Variants in EPHA7 observed in about 807,000 individuals in gnomAD.
The protein encoded by EPHA7 is ephrin type-A receptor 7.
Under a neutral mutation model 112.6 loss-of-function variants are expected in EPHA7, and 25 were observed. That is an observed-to-expected ratio of 0.22 (90% CI 0.16 to 0.31). The LOEUF is 0.31. EPHA7 is among the 10% of genes least tolerant of loss of function. The pLI is 1.00. For missense variants in EPHA7, 962 were observed against 1,212.6 expected, an observed-to-expected ratio of 0.79 and a Z score of 3.07; for synonymous variants, 437 against 406.5, an observed-to-expected ratio of 1.07 and a Z score of -0.90.
At chr6:93,305,223 A>T (rs1773192272) in intron 5 of EPHA7, among the ~76,000 whole-genome samples, 1 of 151,868 alleles carries the variant, frequency 6.6e-6, no homozygotes, top group South Asian at 2.1e-4. Context: ...GTTAGACCTT[A>T]TAGGATGGGG....
At chr6:93,283,082 G>T (rs1012066680) in intron 5 of EPHA7, among the ~76,000 whole-genome samples, 1 of 152,182 alleles carries the variant, frequency 6.6e-6, no homozygotes, top group South Asian at 2.1e-4. Flanking sequence ...AGTCTAGTGG[G>T]GACTTGGAGA....
rs185656908 is a variant in EPHA7 at position 93,280,419 on chromosome 6, G to A, written c.1325-7997C>T. ...TTGGGCACACATTTTTCTGTCTAGT[G>A]GCCTCCACCAATAACCAACAACTCC... is the stretch of plus-strand genomic sequence containing the variant. On this transcript the variant is annotated intron_variant, in intron 5 of 16. Transcript: ENST00000369303. Among the ~76,000 whole-genome samples the A allele has an allele frequency of 9.1e-4, 138 of 152,214 alleles. 2 individuals are homozygous for A. Among genetic ancestry groups the A allele is most frequent in the African/African-American group, 3.0e-3 (124 of 41,548 alleles).
chr6:93,303,073 C>T (rs989715173), intron 5 of EPHA7, among the ~76,000 whole-genome samples: 1 of 152,084 alleles, frequency 6.6e-6, no homozygotes, highest in Non-Finnish European at 1.5e-5. Context: ...TGTAGGCATA[C>T]AACAGTTGCC....
chr6:93,374,355 A>C (rs1776948273), intron 3 of EPHA7, among the ~76,000 whole-genome samples: 1 of 152,096 alleles, frequency 6.6e-6, no homozygotes, highest in Admixed American at 6.6e-5. Context: ...CTATGTTTCT[A>C]TCTCTCTATC....
intron 3 of EPHA7, among the ~76,000 whole-genome samples, chr6:93,372,547 T>C (rs1001288776): frequency 6.6e-6 from 1 of 152,132 alleles, no homozygotes; most frequent in Non-Finnish European, 1.5e-5. Flanking sequence ...TCTTATCATA[T>C]ATTAGTGTTG....
intron 5 of EPHA7, among the ~76,000 whole-genome samples, chr6:93,278,041 G>A (rs1165932434): frequency 6.6e-6 from 1 of 151,982 alleles, no homozygotes; most frequent in African/African-American, 2.4e-5. Context: ...TTAAGGCAGC[G>A]ATTGTAAAAA....
At chr6:93,416,647 C>T (rs907307072) in intron 1 of EPHA7, among the ~76,000 whole-genome samples, 1 of 152,234 alleles carries the variant, frequency 6.6e-6, no homozygotes, top group African/African-American at 2.4e-5. Flanking sequence ...CTCAAAAGAG[C>T]GCGTATCCCT....
intron 3 of EPHA7, among the ~76,000 whole-genome samples, chr6:93,383,740 C>T (rs1179572079): frequency 2.0e-5 from 3 of 152,138 alleles, no homozygotes; most frequent in Non-Finnish European, 4.4e-5. Context: ...CTTGTTGTCA[C>T]CCAGTTTACT....
At chr6:93,322,316 A>T (rs1483015487) in intron 5 of EPHA7, among the ~76,000 whole-genome samples, 1 of 151,758 alleles carries the variant, frequency 6.6e-6, no homozygotes, top group East Asian at 1.9e-4. Context: ...ATTAATTACT[A>T]TTCTTTTTAA....
chr6:93,291,810 C>T (rs1772396387), intron 5 of EPHA7, among the ~76,000 whole-genome samples: 1 of 147,632 alleles, frequency 6.8e-6, no homozygotes, highest in South Asian at 2.2e-4. Context: ...ACCAGATTAC[C>T]AGGTTATGTG....
intron 3 of EPHA7, among the ~76,000 whole-genome samples, chr6:93,382,432 C>T (rs1316771099): frequency 1.3e-5 from 2 of 152,166 alleles, no homozygotes; most frequent in African/African-American, 4.8e-5. Flanking sequence ...TGGTAATGAA[C>T]CTGCCTGCCC....
chr6:93,387,962 G>GATAGATAA lies in EPHA7; in HGVS notation c.832+22538_832+22539insTTATCTAT, dbSNP rs57546794. On this transcript the variant is annotated intron_variant, in intron 3 of 16. Coordinates refer to ENST00000369303, the MANE Select transcript of EPHA7 (RefSeq NM_004440.4). ...AGATAGATAGATAGATAGATAGATA[G>GATAGATAA]ATAGATAGATAGATAGAATAGATAG... Among the ~76,000 whole-genome samples the GATAGATAA allele has an allele frequency of 4.4e-3, 671 of 151,788 alleles. 6 individuals are homozygous for GATAGATAA. The highest frequency in any genetic ancestry group is 0.015 in the African/African-American group (639 of 41,314).
rs1286443290 is a variant in EPHA7 at position 93,243,016 on chromosome 6, G to A, written c.*410C>T. 4.5e-6 allele frequency: 1 copy of A among 220,364 alleles called. No homozygotes were observed. Among genetic ancestry groups the A allele is most frequent in the African/African-American group, 2.2e-5 (1 of 44,574 alleles). The allele number at this position is 220,364 out of a possible 1,614,324, so 13.7% of individuals were successfully genotyped here. ...GAATAAACACAAATGATTTTAAAAA[G>A]GAATAGTCTGAAATCACATATTTAA... On this transcript the variant is annotated 3_prime_UTR_variant, in exon 17 of 17. Transcript: ENST00000369303.
In EPHA7 at chr6:93,243,573, C is replaced by A. The variant is rs753452979; in HGVS notation, c.2883-33G>T. 2.1e-6 allele frequency: 3 copies of A among 1,435,752 alleles called. No individual in the cohort carries two copies. In the Admixed American group the frequency reaches 5.0e-5, roughly 24 times the overall value. The allele number at this position is 1,435,752 out of a possible 1,614,324, so 88.9% of individuals were successfully genotyped here. ...AGACAAATGCACTTTTTATTAGGTA[C>A]CTTACAAAGAATAAATGTGGCACTA... On this transcript the variant is annotated intron_variant, in intron 16 of 16. Coordinates refer to ENST00000369303, the MANE Select transcript of EPHA7 (RefSeq NM_004440.4).
chr6:93,309,986 T>G (rs928899299), intron 5 of EPHA7, among the ~76,000 whole-genome samples: 1 of 152,230 alleles, frequency 6.6e-6, no homozygotes, highest in Non-Finnish European at 1.5e-5. Flanking sequence ...TTAGTCATTT[T>G]AGATTTGGTT....
chr6:93,284,817 AG>A (rs1214948178), intron 5 of EPHA7, among the ~76,000 whole-genome samples: 5 of 127,622 alleles, frequency 3.9e-5, no homozygotes, highest in Non-Finnish European at 8.1e-5. Context: ...GGACACAGGG[AG>A]GGGAACATCA....
chr6:93,292,494 T>C (rs1051918907), intron 5 of EPHA7, among the ~76,000 whole-genome samples: 1 of 152,084 alleles, frequency 6.6e-6, no homozygotes, highest in Non-Finnish European at 1.5e-5. Context: ...TATTGAAAAG[T>C]TGTGTTTTTT....
chr6:93,320,396 T>G (rs150043391), intron 5 of EPHA7, among the ~76,000 whole-genome samples: 1 of 152,142 alleles, frequency 6.6e-6, no homozygotes, highest in East Asian at 1.9e-4. Context: ...TCTTTAAAAT[T>G]AACATTACAT....
intron 5 of EPHA7, among the ~76,000 whole-genome samples, chr6:93,306,981 T>C (rs1055616503): frequency 6.6e-6 from 1 of 151,928 alleles, no homozygotes; most frequent in African/African-American, 2.4e-5. Flanking sequence ...ATTGACACAT[T>C]TAGAATTGCT....
Sources: allele counts gnomAD v4.1 joint callset (sites outside exome capture counted in the v4.1 genomes callset), GRCh38; gene constraint gnomAD v4.1.1; transcripts MANE v1.5; gene names NCBI Gene and HGNC (gene_info 2026-07-23, HGNC 2026-07-21).